The following IQCH variants were observed in gnomAD, a reference collection of about 807,000 sequenced individuals.
IQCH encodes the protein IQ motif containing H.
Under a neutral mutation model 117.0 loss-of-function variants are expected in IQCH, and 98 were observed. That is an observed-to-expected ratio of 0.84 (90% CI 0.71 to 0.99). The LOEUF (loss-of-function observed/expected upper bound fraction) is 0.99. IQCH is among the 50% of genes least tolerant of loss of function. The probability of loss-of-function intolerance (pLI) is 0.00; values close to 1 mark genes in which losing one functional copy is unlikely to be tolerated. For synonymous variants in IQCH, 412 were observed against 448.2 expected (o/e 0.92, Z 1.02); for missense variants, 1,102 against 1,243.8 (o/e 0.89, Z 1.72).
intron 4 of IQCH, among the ~76,000 whole-genome samples, chr15:67,283,516 A>G (rs944765265): frequency 1.3e-5 from 2 of 152,018 alleles, no homozygotes; most frequent in African/African-American, 2.4e-5. Context: ...ATGGTGTGAT[A>G]TTTCTGAGTT....
chr15:67,290,234 A>T (rs542084553), intron 4 of IQCH, among the ~76,000 whole-genome samples: 1 of 152,200 alleles, frequency 6.6e-6, no homozygotes, highest in South Asian at 2.1e-4. Context: ...GAATGATTAT[A>T]TAAATTGGTG....
In IQCH at chr15:67,447,822, G is replaced by A. The variant is rs181673741; in HGVS notation, c.2506-17305G>A. On this transcript the variant is annotated intron_variant, in intron 16 of 20. Transcript: ENST00000335894. The surrounding 1 kb of genome is among the most constrained non-coding windows in gnomAD (Gnocchi z 5.3). ...GTGGTGAGTCCAAGCAACAGCTTGC[G>A]TTTTAGAAAGTGGCACTGTCCTCAG... is the stretch of plus-strand genomic sequence containing the variant. Among the ~76,000 whole-genome samples the A allele has an allele frequency of 4.9e-4, 74 of 152,278 alleles. No individual in the cohort carries two copies. Among genetic ancestry groups the A allele is most frequent in the African/African-American group, 1.6e-3 (68 of 41,564 alleles).
intron 17 of IQCH, among the ~76,000 whole-genome samples, chr15:67,470,406 C>T: frequency 6.6e-6 from 1 of 152,276 alleles, no homozygotes; most frequent in East Asian, 1.9e-4. Context: ...TCTCGATCTC[C>T]TGACCTCATG....
intron 18 of IQCH, 56 bp from the exon 19 acceptor site, chr15:67,489,947 G>A (rs2083602388): frequency 2.5e-6 from 3 of 1,202,242 alleles, no homozygotes; most frequent in Non-Finnish European, 3.7e-6. Context: ...AACATTTTCT[G>A]TACTTTGTTT....
rs1748897003 is a variant in IQCH, at chr15:67,382,445, G to T, written c.1373-2491G>T. On this transcript the variant is annotated intron_variant, in intron 10 of 20. Coordinates refer to ENST00000335894, the MANE Select transcript of IQCH (RefSeq NM_001031715.3). ...CCATTAGCAACTTTATTTCTCCTTT[G>T]TCATGTAACCCAATATATTCACTGG... Among the ~76,000 whole-genome samples, 2 of 152,102 alleles carry T rather than the reference G, an allele frequency of 1.3e-5. 1 individual carries two copies. The highest frequency in any genetic ancestry group is 4.1e-4 in the South Asian group (2 of 4,830).
rs1256337134 is a variant in IQCH, at chr15:67,370,896, G to A, written c.754-1215G>A. On this transcript the variant is annotated intron_variant, in intron 8 of 20. Coordinates refer to ENST00000335894, the MANE Select transcript of IQCH (RefSeq NM_001031715.3). This position sits in a 1 kb window ranked among gnomAD's most constrained non-coding sequence, Gnocchi z 5.6. Reference sequence around the variant, plus strand: ...GGCCCAGGACCGGAGAAAAGAAAACGCGTGAATAATCTGATATAGTAATAC... The same window carrying A: ...GGCCCAGGACCGGAGAAAAGAAAACACGTGAATAATCTGATATAGTAATAC... Among the ~76,000 whole-genome samples, 1 of 149,894 alleles carries A rather than the reference G, an allele frequency of 6.7e-6. No homozygotes were observed. The highest frequency in any genetic ancestry group is 6.6e-5 in the Admixed American group (1 of 15,130).
At chr15:67,438,717 A>G (rs914986438) in intron 16 of IQCH, among the ~76,000 whole-genome samples, 1 of 152,220 alleles carries the variant, frequency 6.6e-6, no homozygotes, top group Non-Finnish European at 1.5e-5. Context: ...GAAAAAAGGC[A>G]TTTCATGCAA....
intron 4 of IQCH, among the ~76,000 whole-genome samples, chr15:67,316,690 C>T (rs901648885): frequency 6.6e-6 from 1 of 152,122 alleles, no homozygotes; most frequent in Non-Finnish European, 1.5e-5. Flanking sequence ...AGTACTATTC[C>T]TACTTTCATT....
At chr15:67,256,661 A>G (rs1297225231) in intron 1 of IQCH, among the ~76,000 whole-genome samples, 2 of 152,178 alleles carry the variant, frequency 1.3e-5, no homozygotes, top group African/African-American at 4.8e-5. Context: ...GATTCCAAAT[A>G]ATTAGAACAA....
chr15:67,391,126 GGCTT>G lies in IQCH; in HGVS notation c.1632+2121_1632+2124del, dbSNP rs2140845163. Among the ~76,000 whole-genome samples, 1 of 152,144 alleles carries G rather than the reference GGCTT, an allele frequency of 6.6e-6. No individual in the cohort carries two copies. Among genetic ancestry groups the G allele is most frequent in the African/African-American group, 2.4e-5 (1 of 41,522 alleles). The stretch of plus-strand genomic sequence containing the variant: ...AACCATACCCTTGCTAGTCCACTCT[GGCTT>G]CTAGTGGACTAGAAGCCAGGAGACA... On this transcript the variant is annotated intron_variant, in intron 12 of 20. Transcript: ENST00000335894. This position sits in a 1 kb window ranked among gnomAD's most constrained non-coding sequence, Gnocchi z 4.3.
intron 3 of IQCH, among the ~76,000 whole-genome samples, chr15:67,267,713 C>G (rs1447952110): frequency 6.6e-6 from 1 of 152,164 alleles, no homozygotes; most frequent in East Asian, 1.9e-4. Context: ...TCTGTTTGTT[C>G]CTTTGACAGC....
chr15:67,477,044 CTTTTTTTTTTT>C (rs71455553), intron 18 of IQCH, among the ~76,000 whole-genome samples: 42 of 71,182 alleles, frequency 5.9e-4, no homozygotes, highest in African/African-American at 2.2e-3. Flanking sequence ...TCTTTTTCTT[CTTTTTTTTTTT>C]TTTTTTTTTT....
intron 4 of IQCH, among the ~76,000 whole-genome samples, chr15:67,288,627 G>T (rs1349478086): frequency 6.6e-6 from 1 of 151,838 alleles, no homozygotes; most frequent in Non-Finnish European, 1.5e-5. Flanking sequence ...TTTAGTCTAT[G>T]TGTGTCTTTA....
chr15:67,320,577 CAT>C, intron 4 of IQCH, among the ~76,000 whole-genome samples: 1 of 152,248 alleles, frequency 6.6e-6, no homozygotes, highest in South Asian at 2.1e-4. Context: ...AACAAAGAAT[CAT>C]TACATTTTTG....
intron 12 of IQCH, among the ~76,000 whole-genome samples, chr15:67,392,281 C>T (rs1026569917): frequency 8.5e-5 from 13 of 152,110 alleles, no homozygotes; most frequent in African/African-American, 2.2e-4. Flanking sequence ...CCAAGGACAT[C>T]GTAACTCAAG....
In IQCH at chr15:67,500,844, C is replaced by T; in HGVS notation, c.*98C>T. 1.7e-6 allele frequency: 1 copy of T among 596,756 alleles called. No individual in the cohort carries two copies. Among genetic ancestry groups the T allele is most frequent in the South Asian group, 2.5e-5 (1 of 40,228 alleles). 37.0% of individuals were successfully genotyped at this position (596,756 alleles called of 1,614,324 possible). On this transcript the variant is annotated 3_prime_UTR_variant, in exon 21 of 21. Coordinates refer to ENST00000335894, the MANE Select transcript of IQCH (RefSeq NM_001031715.3). This position sits in a 1 kb window ranked among gnomAD's most constrained non-coding sequence, Gnocchi z 4.4. ...ATAAAAGCCAGGGGAAATTGGTTTG[C>T]TTTGTGTGCTAGGAGGTGAATCAGA...
At chr15:67,337,295 C>T (rs1464906349) in intron 5 of IQCH, among the ~76,000 whole-genome samples, 200 bp downstream of exon 5, 1 of 152,088 alleles carries the variant, frequency 6.6e-6, no homozygotes, top group African/African-American at 2.4e-5. Context: ...AGAGTCCCTT[C>T]CACCTGTAAA....
At chr15:67,305,035 A>G (rs1306544362) in intron 4 of IQCH, among the ~76,000 whole-genome samples, 4 of 152,052 alleles carry the variant, frequency 2.6e-5, no homozygotes, top group East Asian at 1.9e-4. Context: ...CAAGGATTGT[A>G]CTCTATGTTG....
rs1169284579 is a variant in IQCH, at chr15:67,404,597, T to C, written c.2097+4292T>C. 6.6e-6 allele frequency: 1 copy of C among 152,234 alleles called. No homozygotes were observed. The highest frequency in any genetic ancestry group is 1.9e-4 in the East Asian group (1 of 5,202). The allele number at this position is 152,234 out of a possible 1,614,324, so 9.4% of individuals were successfully genotyped here. A position where few individuals can be genotyped will look rare whatever the true frequency, so the allele number is the denominator to read the frequency against. ...ATTTTTGTATATTAATTTCTAAATA[T>C]GCAGTATTTCTTTCTCATAGCTACA... is the stretch of plus-strand genomic sequence containing the variant. On this transcript the variant is annotated intron_variant, in intron 14 of 20. Transcript: ENST00000335894. The surrounding 1 kb of genome is among the most constrained non-coding windows in gnomAD (Gnocchi z 4.6).
Sources: gnomAD v4.1 joint callset for allele counts (sites outside exome capture counted in the v4.1 genomes callset) on GRCh38, gnomAD v4.1.1 for gene constraint, Gnocchi (gnomAD v3.1) non-coding constraint, MANE v1.5 for transcripts, NCBI Gene and HGNC (gene_info 2026-07-23, HGNC 2026-07-21) for gene names.